The following ZC3H4 variants were observed in gnomAD, a reference collection of about 807,000 sequenced individuals.
The protein encoded by ZC3H4 is zinc finger CCCH domain-containing protein 4.
A neutral mutation model predicts 108.3 loss-of-function variants in ZC3H4; 13 were observed. That is an observed-to-expected ratio of 0.12 (90% CI 0.08 to 0.19). The LOEUF (loss-of-function observed/expected upper bound fraction) is 0.19. ZC3H4 is among the 10% of genes least tolerant of loss of function. The pLI, the probability that ZC3H4 is intolerant of heterozygous loss-of-function variation, is 1.00. For missense variants in ZC3H4, 1,734 were observed against 1,838.8 expected (o/e 0.94, Z 1.04); for synonymous variants, 917 against 749.6 (o/e 1.22, Z -3.65).
intron 2 of ZC3H4, chr19:47,096,795 C>T: frequency 1.0e-6 from 1 of 985,442 alleles, no homozygotes; most frequent in Non-Finnish European, 1.2e-6. Flanking sequence ...TGCCAGGTTG[C>T]TTGACTACCT....
chr19:47,084,380 T>G lies in ZC3H4; in HGVS notation c.1183A>C (p.Ile395Leu), dbSNP rs372916068. ...CGCCCTTCCACGAAGTACTTGCAAA[T>G]GACTTTGCCTTTCTTGTCCGACTGC... Reference protein sequence around the residue: ...HQQSDKKGKVICKYFVEGRCT... With the variant: ...HQQSDKKGKVLCKYFVEGRCT... Residue 395 changes from isoleucine to leucine, a missense_variant, in exon 9 of 15, where the codon ATT becomes CTT. Around this residue, in one of 9 missense-constraint regions of ZC3H4, gnomAD observed 66 missense variants for 166.8 expected, o/e 0.40. Coordinates refer to ENST00000253048, the MANE Select transcript of ZC3H4 (RefSeq NM_015168.2). The G allele has an allele frequency of 6.2e-7, 1 of 1,614,060 alleles. No individual in the cohort carries two copies. Among genetic ancestry groups the G allele is most frequent in the Non-Finnish European group, 8.5e-7 (1 of 1,180,036 alleles).
intron 4 of ZC3H4, among the ~76,000 whole-genome samples, chr19:47,090,553 G>T (rs1278960234): frequency 6.6e-6 from 1 of 152,162 alleles, no homozygotes; most frequent in Non-Finnish European, 1.5e-5. Context: ...AATTTTCCTA[G>T]GGCCCTGGAA....
chr19:47,081,083 T>C (rs1275891424), intron 11 of ZC3H4, among the ~76,000 whole-genome samples: 2 of 152,098 alleles, frequency 1.3e-5, no homozygotes, highest in African/African-American at 4.8e-5. Context: ...TTATTTTTAG[T>C]AGAAACAACG....
In ZC3H4 at chr19:47,072,506, G is replaced by A. The variant is rs1195388010; in HGVS notation, c.1648C>T (p.Pro550Ser). 7.5e-7 allele frequency: 1 copy of A among 1,330,142 alleles called. No homozygotes were observed. Among genetic ancestry groups the A allele is most frequent in the Admixed American group, 2.2e-5 (1 of 45,986 alleles). The allele number at this position is 1,330,142 out of a possible 1,614,324, so 82.4% of individuals were successfully genotyped here. Residue 550 changes from proline (P) to serine (S), a missense_variant, in exon 12 of 15, where the codon CCA becomes TCA. Pro to Ser is a moderately conservative substitution (Grantham distance 74). Coordinates refer to ENST00000253048, the MANE Select transcript of ZC3H4 (RefSeq NM_015168.2). The surrounding 1 kb of genome is among the most constrained non-coding windows in gnomAD (Gnocchi z 5.6). ...GGCATCTGAGGGGGCCCGGGCGGTG[G>A]GGGAGGGGGAGGGGGCGGGGGCGGG... ...GPPPPPPPPP[P>S]PPGPPQMPMP...
In ZC3H4 at chr19:47,094,307, T is replaced by C. The variant is rs1029909183; in HGVS notation, c.381+82A>G. On this transcript the variant is annotated intron_variant, in intron 3 of 14. Transcript: ENST00000253048. Reference sequence around the variant, plus strand: ...AAGGCATTAAGAGTGCCCTCTGGGGTGGACAGCAAAAGCTCAGCCCCTGGG... The same window carrying C: ...AAGGCATTAAGAGTGCCCTCTGGGGCGGACAGCAAAAGCTCAGCCCCTGGG... 56 of 1,482,994 alleles carry C rather than the reference T, an allele frequency of 3.8e-5. No homozygotes were observed. In the African/African-American group the frequency reaches 6.9e-4, roughly 18 times the overall value. The allele number at this position is 1,482,994 out of a possible 1,614,324, so 91.9% of individuals were successfully genotyped here. A position where few individuals can be genotyped will look rare whatever the true frequency, so the allele number is the denominator to read the frequency against.
intron 2 of ZC3H4, among the ~76,000 whole-genome samples, chr19:47,110,117 T>C (rs2058019289): frequency 1.3e-5 from 2 of 152,172 alleles, no homozygotes; most frequent in African/African-American, 4.8e-5. Flanking sequence ...TCAACAGTAC[T>C]TTACAAATGA....
intron 5 of ZC3H4, among the ~76,000 whole-genome samples, chr19:47,088,581 G>A (rs568654938): frequency 6.6e-6 from 1 of 152,092 alleles, no homozygotes; most frequent in East Asian, 1.9e-4. Context: ...AACCCAGGAG[G>A]CACAGGGTAG....
chr19:47,070,990 CAG>C (rs1392541961), intron 13 of ZC3H4, among the ~76,000 whole-genome samples: 2 of 152,228 alleles, frequency 1.3e-5, no homozygotes, highest in Non-Finnish European at 1.5e-5. Context: ...CAGTTCAACA[CAG>C]CGCCCCCACC....
chr19:47,085,404 C>A lies in ZC3H4; in HGVS notation c.881G>T (p.Ser294Ile). Reference protein sequence around the residue: ...FYEEEMDYGESEEPMGDDDYD... With the variant: ...FYEEEMDYGEIEEPMGDDDYD... Reference sequence around the variant, plus strand: ...GTCGTCGTCTCCCATTGGCTCCTCACTCTCTCCATACTGGAATGCGCAGAG... The same window carrying A: ...GTCGTCGTCTCCCATTGGCTCCTCAATCTCTCCATACTGGAATGCGCAGAG... Residue 294 changes from serine to isoleucine, a missense_variant, in exon 7 of 15, where the codon AGT (serine) becomes ATT (isoleucine). Ser to Ile is a moderately radical substitution (Grantham distance 142). Transcript: ENST00000253048. 8.8e-6 allele frequency: 14 copies of A among 1,593,656 alleles called. No individual in the cohort carries two copies. The highest frequency in any genetic ancestry group is 1.2e-5 in the Non-Finnish European group (14 of 1,170,514).
chr19:47,090,245 G>A (rs536081326), intron 4 of ZC3H4, 56 bp from the exon 5 acceptor site: 16 of 1,590,906 alleles, frequency 1.0e-5, no homozygotes, highest in African/African-American at 5.4e-5. Context: ...CGTGGGTGCA[G>A]ACTACCAAGA....
intron 1 of ZC3H4, among the ~76,000 whole-genome samples, chr19:47,112,844 C>T (rs973509354): frequency 6.6e-6 from 1 of 152,088 alleles, no homozygotes; most frequent in Non-Finnish European, 1.5e-5. Context: ...CGAGAGCCCC[C>T]CCCCCACGCA....
intron 2 of ZC3H4, among the ~76,000 whole-genome samples, chr19:47,103,762 TAAA>T (rs748735701): frequency 2.8e-5 from 3 of 108,438 alleles, no homozygotes; most frequent in Non-Finnish European, 5.4e-5. Context: ...CCGTCTCTAC[TAAA>T]AAAAAAAAAA....
At chr19:47,110,970 AG>A in intron 2 of ZC3H4, 1 of 973,320 alleles carries the variant, frequency 1.0e-6, no homozygotes, top group Non-Finnish European at 1.2e-6. Flanking sequence ...TGAAGGAGAA[AG>A]GGGAAAGGGG....
intron 9 of ZC3H4, among the ~76,000 whole-genome samples, chr19:47,082,595 G>A (rs1039204415): frequency 6.6e-6 from 1 of 152,182 alleles, no homozygotes; most frequent in African/African-American, 2.4e-5. Context: ...TTATAGCCAT[G>A]AGCCACCAAG....
chr19:47,087,710 T>G (rs1180374383), intron 5 of ZC3H4, among the ~76,000 whole-genome samples: 1 of 151,500 alleles, frequency 6.6e-6, no homozygotes, highest in Non-Finnish European at 1.5e-5. Flanking sequence ...GAAACCCATC[T>G]CTACTAAAAA....
chr19:47,097,069 A>AG, intron 2 of ZC3H4: 1 of 858,496 alleles, frequency 1.2e-6, no homozygotes, highest in East Asian at 1.2e-4. Context: ...AGGAACTCCA[A>AG]GAGCCTTAAC....
At chr19:47,108,872 C>G (rs2058000385) in intron 2 of ZC3H4, among the ~76,000 whole-genome samples, 1 of 151,818 alleles carries the variant, frequency 6.6e-6, no homozygotes, top group Non-Finnish European at 1.5e-5. Context: ...TTTTAAAGAG[C>G]AAATTTGAGG....
intron 7 of ZC3H4, 38 bp downstream of exon 7, chr19:47,085,280 T>C (rs757374082): frequency 7.6e-5 from 93 of 1,215,876 alleles, no homozygotes; most frequent in Non-Finnish European, 1.0e-4. Context: ...CTGGAATCCC[T>C]GCCCCACCCA....
In ZC3H4 at chr19:47,064,710, T is replaced by C. The variant is rs866715581; in HGVS notation, c.*1646A>G. Reference sequence around the variant, plus strand: ...ACTGGTGGCTGAAGACAAATCTCATTAATGATTGTGTAAAAAAAAAAAAAA... The same window carrying C: ...ACTGGTGGCTGAAGACAAATCTCATCAATGATTGTGTAAAAAAAAAAAAAA... On this transcript the variant is annotated 3_prime_UTR_variant, in exon 15 of 15. Transcript: ENST00000253048. 1.6e-5 allele frequency: 2 copies of C among 122,818 alleles called. No homozygotes were observed. The highest frequency in any genetic ancestry group is 3.1e-5 in the African/African-American group (1 of 32,520). The allele number at this position is 122,818 out of a possible 1,614,324, so 7.6% of individuals were successfully genotyped here. A position where few individuals can be genotyped will look rare whatever the true frequency, so the allele number is the denominator to read the frequency against.
Sources: allele counts gnomAD v4.1 joint callset (sites outside exome capture counted in the v4.1 genomes callset), GRCh38; gene constraint gnomAD v4.1.1; regional missense constraint gnomAD v4.1.1; non-coding constraint Gnocchi (gnomAD v3.1); transcripts MANE v1.5; gene names NCBI Gene and HGNC (gene_info 2026-07-23, HGNC 2026-07-21).